The following MED27 variants were observed in gnomAD, a reference collection of about 807,000 sequenced individuals.
MED27 encodes mediator complex subunit 27.
Under a neutral mutation model 38.2 loss-of-function variants are expected in MED27, and 30 were observed. That is an observed-to-expected ratio of 0.79 (90% CI 0.59 to 1.07). The LOEUF (loss-of-function observed/expected upper bound fraction) is 1.07, where lower values mean the gene tolerates loss of function less well. MED27 is among the 50% of genes least tolerant of loss of function. The pLI, the probability that MED27 is intolerant of heterozygous loss-of-function variation, is 0.00. For synonymous variants in MED27, 122 were observed against 153.5 expected (o/e 0.79, Z 1.52); for missense variants, 289 against 397.5 (o/e 0.73, Z 2.32).
chr9:132,058,250 A>C (rs1339553306), intron 2 of MED27, among the ~76,000 whole-genome samples: 1 of 152,170 alleles, frequency 6.6e-6, no homozygotes, highest in Non-Finnish European at 1.5e-5. Context: ...AGATGGGTAC[A>C]TTACTTTTTT....
intron 6 of MED27, among the ~76,000 whole-genome samples, chr9:131,877,675 A>G (rs527396577): frequency 2.0e-5 from 3 of 152,364 alleles, no homozygotes; most frequent in African/African-American, 7.2e-5. Context: ...TGTGCAGCAC[A>G]ACCTGACTCA....
chr9:131,935,261 A>G (rs1830661922), intron 4 of MED27, among the ~76,000 whole-genome samples: 1 of 152,248 alleles, frequency 6.6e-6, no homozygotes, highest in Non-Finnish European at 1.5e-5. Flanking sequence ...TAAATGCTTG[A>G]GAGGACAGAT....
intron 3 of MED27, among the ~76,000 whole-genome samples, chr9:131,940,936 C>T (rs1291225170): frequency 2.0e-5 from 3 of 152,128 alleles, no homozygotes; most frequent in Non-Finnish European, 4.4e-5. Flanking sequence ...TGAGAACTGG[C>T]ACATATAAAG....
At chr9:131,867,856 G>A (rs114775674) in intron 6 of MED27, among the ~76,000 whole-genome samples, 1,958 of 152,324 alleles carry the variant, frequency 0.013, 40 homozygotes, top group African/African-American at 0.045. Flanking sequence ...GGGGTGGAGC[G>A]TTGGCACTGC....
chr9:131,990,795 C>T (rs1407842822), intron 3 of MED27, among the ~76,000 whole-genome samples: 3 of 152,262 alleles, frequency 2.0e-5, no homozygotes, highest in Admixed American at 6.5e-5. Context: ...TGGAGGACTG[C>T]GGCTCGCAAT....
chr9:131,922,569 T>C (rs1830413795), intron 4 of MED27, among the ~76,000 whole-genome samples: 1 of 151,972 alleles, frequency 6.6e-6, no homozygotes, highest in Non-Finnish European at 1.5e-5. Flanking sequence ...GCCTCCTGAG[T>C]AGCTGGGATT....
intron 2 of MED27, among the ~76,000 whole-genome samples, chr9:132,052,627 T>C (rs1833487622): frequency 6.6e-6 from 1 of 152,034 alleles, no homozygotes; most frequent in Non-Finnish European, 1.5e-5. Context: ...ATAGTATACA[T>C]CGTCGCTGTT....
intron 3 of MED27, among the ~76,000 whole-genome samples, chr9:132,010,045 T>C (rs1441306693): frequency 6.6e-6 from 1 of 152,234 alleles, no homozygotes; most frequent in African/African-American, 2.4e-5. Context: ...TAGTTTCTTT[T>C]GCTGTGCAGA....
chr9:132,019,410 T>C (rs1169560063), intron 2 of MED27, among the ~76,000 whole-genome samples: 2 of 152,218 alleles, frequency 1.3e-5, no homozygotes, highest in African/African-American at 4.8e-5. Context: ...AACACACTGC[T>C]TTCTAGGTGC....
intron 1 of MED27, 32 bp downstream of exon 1, chr9:132,079,610 C>A: frequency 6.2e-7 from 1 of 1,604,386 alleles, no homozygotes; most frequent in South Asian, 1.1e-5. Context: ...CGGGGCCGGT[C>A]CCCGACCCCG....
intron 4 of MED27, among the ~76,000 whole-genome samples, chr9:131,924,551 G>C (rs1487316765): frequency 2.6e-5 from 4 of 151,988 alleles, no homozygotes; most frequent in Non-Finnish European, 5.9e-5. Flanking sequence ...TGATGTTTTT[G>C]ACCATCTGAA....
chr9:131,935,018 T>C lies in MED27; in HGVS notation c.573+4363A>G, dbSNP rs1177040502. On this transcript the variant is annotated intron_variant, in intron 4 of 7. Transcript: ENST00000292035. Reference sequence around the variant, plus strand: ...TTGTGGGAGGTAAAAATTAAAGTAATTGAACTCCTGTAGATAGAATAAGGA... The same window carrying C: ...TTGTGGGAGGTAAAAATTAAAGTAACTGAACTCCTGTAGATAGAATAAGGA... Among the ~76,000 whole-genome samples, 4 of 152,144 alleles carry C rather than the reference T, an allele frequency of 2.6e-5. No homozygotes were observed. The East Asian group carries it at 7.7e-4, about 29-fold the overall frequency.
In MED27 at chr9:132,078,135, C is replaced by A. The variant is rs569891790; in HGVS notation, c.204-549G>T. 3.3e-5 allele frequency among the ~76,000 whole-genome samples: 5 copies of A among 152,272 alleles called. No individual in the cohort carries two copies. The South Asian group carries it at 1.0e-3, about 32-fold the overall frequency. On this transcript the variant is annotated intron_variant, in intron 1 of 7. Transcript: ENST00000292035. Reference sequence around the variant, plus strand: ...ACACCACTGAGGTGGCTGTGTCAAACAAACACACTTCAGTCTAGCAGGAAA... The same window carrying A: ...ACACCACTGAGGTGGCTGTGTCAAAAAAACACACTTCAGTCTAGCAGGAAA...
At chr9:132,031,402 T>C (rs1318965233) in intron 2 of MED27, among the ~76,000 whole-genome samples, 1 of 152,232 alleles carries the variant, frequency 6.6e-6, no homozygotes, top group Non-Finnish European at 1.5e-5. Flanking sequence ...TGGTGGTCTA[T>C]AAAAGTTAAA....
chr9:131,906,783 A>G (rs1032517905), intron 4 of MED27, among the ~76,000 whole-genome samples: 4 of 152,200 alleles, frequency 2.6e-5, no homozygotes, highest in African/African-American at 9.7e-5. Flanking sequence ...AAGTAAAGGA[A>G]AAAAAGAATG....
rs1451069397 is a variant in MED27, at chr9:132,055,616, TCACTCATAG to T, written c.348+21817_348+21825del. On this transcript the variant is annotated intron_variant, in intron 2 of 7. Transcript: ENST00000292035. Reference sequence around the variant, plus strand: ...AATCTGCTATTAAGATGCCTTATACTCACTCATAGCACTCATAAGCCACCTCTAAGACAG... The same window carrying T: ...AATCTGCTATTAAGATGCCTTATACTCACTCATAAGCCACCTCTAAGACAG... Among the ~76,000 whole-genome samples the T allele has an allele frequency of 8.5e-5, 13 of 152,300 alleles. No homozygotes were observed. The South Asian group carries it at 1.2e-3, about 15-fold the overall frequency.
chr9:131,985,322 C>G (rs1201855814), intron 3 of MED27, among the ~76,000 whole-genome samples: 1 of 152,174 alleles, frequency 6.6e-6, no homozygotes, highest in Non-Finnish European at 1.5e-5. Context: ...AGATATATCT[C>G]CTGCTCCCAA....
intron 2 of MED27, among the ~76,000 whole-genome samples, chr9:132,068,968 A>G (rs1833870289): frequency 6.6e-6 from 1 of 152,208 alleles, no homozygotes; most frequent in Non-Finnish European, 1.5e-5. Context: ...AGACAAGAAA[A>G]CGGGAGGCTT....
At chr9:131,974,005 G>A (rs185584074) in intron 3 of MED27, among the ~76,000 whole-genome samples, 2,396 of 152,002 alleles carry the variant, frequency 0.016, 60 homozygotes, top group African/African-American at 0.054. Flanking sequence ...GAGCCACCGT[G>A]CCCGGCCTAC....
Sources: gnomAD v4.1 joint callset for allele counts (sites outside exome capture counted in the v4.1 genomes callset) on GRCh38, gnomAD v4.1.1 for gene constraint, MANE v1.5 for transcripts, NCBI Gene and HGNC (gene_info 2026-07-23, HGNC 2026-07-21) for gene names.